Variants in SLIT2 observed in about 807,000 individuals in gnomAD.
SLIT2 encodes the protein slit homolog 2 protein.
SLIT2 carries 41 observed loss-of-function variants against 185.7 expected under a neutral mutation model. The ratio of observed to expected loss-of-function variants is 0.22; its 90% confidence interval spans 0.17 to 0.29. The LOEUF (loss-of-function observed/expected upper bound fraction) is 0.29. Ranked by LOEUF, SLIT2 falls within the 10% of genes least tolerant of loss-of-function variation. SLIT2 has a pLI of 1.00. For missense variants in SLIT2, 1,571 were observed against 1,909.0 expected (o/e 0.82, Z 3.30); for synonymous variants, 693 against 680.2 (o/e 1.02, Z -0.29).
chr4:20,415,603 T>C (rs1246983553), intron 4 of SLIT2, among the ~76,000 whole-genome samples: 3 of 152,126 alleles, frequency 2.0e-5, no homozygotes, highest in Non-Finnish European at 2.9e-5. Flanking sequence ...AGAAGCTTTA[T>C]TAATGGGTTA....
chr4:20,472,248 A>ATATAGATCTATATATAGATATATATATC (rs1560452390), intron 5 of SLIT2, among the ~76,000 whole-genome samples: 1 of 38,704 alleles, frequency 2.6e-5, no homozygotes, highest in Non-Finnish European at 4.6e-5. Context: ...CTATATATCT[A>ATATAGATCTATATATAGATATATATATC]TATATAGATC....
chr4:20,424,770 A>G (rs1210141183), intron 4 of SLIT2, among the ~76,000 whole-genome samples: 1 of 152,034 alleles, frequency 6.6e-6, no homozygotes, highest in Non-Finnish European at 1.5e-5. Flanking sequence ...GCTTTCAGAG[A>G]TTTACCAGGT....
intron 18 of SLIT2, among the ~76,000 whole-genome samples, chr4:20,534,034 C>T (rs538506700): frequency 8.5e-5 from 13 of 152,268 alleles, no homozygotes; most frequent in Admixed American, 3.3e-4. Flanking sequence ...AGGAGCGTCC[C>T]CCATGGCTTC....
Position 20,511,594 on chromosome 4 carries a change from T to A in SLIT2, c.1058+457T>A, listed in dbSNP as rs555765870. Among the ~76,000 whole-genome samples, 5 of 115,550 alleles carry A rather than the reference T, an allele frequency of 4.3e-5. No homozygotes were observed. In the South Asian group the frequency reaches 1.5e-3, roughly 35 times the overall value. The allele number at this position is 115,550 out of a possible 152,430, so 75.8% of individuals were successfully genotyped here. ...TGCCACCACATCCAGCTAATTTTTT[T>A]TTTTTTTTTATTTTTGGTAGAGATG... On this transcript the variant is annotated intron_variant, in intron 11 of 36. Coordinates refer to ENST00000504154, the MANE Select transcript of SLIT2 (RefSeq NM_004787.4).
rs199789536 is a variant in SLIT2, at chr4:20,533,800, T to TA, written c.1832+86dup. ...TATAATCCTGGGAGAGAGAAACACC[T>TA]ACTTTTACCCACCCCACTCCCTCTA... is the stretch of plus-strand genomic sequence containing the variant. On this transcript the variant is annotated intron_variant, in intron 18 of 36. Coordinates refer to ENST00000504154, the MANE Select transcript of SLIT2 (RefSeq NM_004787.4). The TA allele has an allele frequency of 1.0e-3, 1,233 of 1,204,954 alleles. 15 individuals carry two copies. In the East Asian group the frequency reaches 0.025, roughly 24 times the overall value. The allele number at this position is 1,204,954 out of a possible 1,614,324, so 74.6% of individuals were successfully genotyped here.
intron 18 of SLIT2, among the ~76,000 whole-genome samples, chr4:20,539,207 T>C (rs577092244): frequency 2.0e-5 from 3 of 152,344 alleles, no homozygotes; most frequent in Non-Finnish European, 4.4e-5. Context: ...TATAAATCCA[T>C]GCCTAGACTC....
At chr4:20,504,533 AT>A (rs1719022679) in intron 9 of SLIT2, among the ~76,000 whole-genome samples, 1 of 152,136 alleles carries the variant, frequency 6.6e-6, no homozygotes, top group Non-Finnish European at 1.5e-5. Context: ...GATCACAGAG[AT>A]TGCAGCCAGT....
At chr4:20,551,559 G>A (rs1723758834) in intron 25 of SLIT2, among the ~76,000 whole-genome samples, 1 of 152,176 alleles carries the variant, frequency 6.6e-6, no homozygotes, top group Non-Finnish European at 1.5e-5. Flanking sequence ...ATTACTAGGT[G>A]TAATGTTAAG....
At chr4:20,301,795 A>C (rs764777068) in intron 4 of SLIT2, among the ~76,000 whole-genome samples, 1 of 152,242 alleles carries the variant, frequency 6.6e-6, no homozygotes, top group African/African-American at 2.4e-5. Context: ...TCTTGACAAC[A>C]GTACCATTTA....
Position 20,472,570 on chromosome 4 carries a change from A to C in SLIT2, c.467+4747A>C, listed in dbSNP as rs1433150246. On this transcript the variant is annotated intron_variant, in intron 5 of 36. Transcript: ENST00000504154. ...TCTATATATAGATATATATCTATAT[A>C]TAGATATATCTATATATAGATATAT... Among the ~76,000 whole-genome samples, 15 of 22,926 alleles carry C rather than the reference A, an allele frequency of 6.5e-4. 4 individuals are homozygous for C. The highest frequency in any genetic ancestry group is 1.6e-3 in the Admixed American group (2 of 1,228). The allele number at this position is 22,926 out of a possible 152,430, so 15.0% of individuals were successfully genotyped here.
chr4:20,472,255 G>GATATATAGATATAT (rs1191025385), intron 5 of SLIT2, among the ~76,000 whole-genome samples: 1 of 21,898 alleles, frequency 4.6e-5, no homozygotes, highest in African/African-American at 1.5e-4. Context: ...TCTATATATA[G>GATATATAGATATAT]ATCTATATAT....
chr4:20,490,107 AAAAT>A (rs527842931), intron 8 of SLIT2, among the ~76,000 whole-genome samples: 32 of 151,626 alleles, frequency 2.1e-4, no homozygotes, highest in East Asian at 1.2e-3. Context: ...ATAAATCAAT[AAAAT>A]AAATAAATAA....
At chr4:20,375,040 A>C (rs908767665) in intron 4 of SLIT2, among the ~76,000 whole-genome samples, 3 of 152,086 alleles carry the variant, frequency 2.0e-5, no homozygotes, top group African/African-American at 7.2e-5. Context: ...GCAGTGAACT[A>C]TGAAGAAACA....
At chr4:20,402,500 A>G (rs796398236) in intron 4 of SLIT2, among the ~76,000 whole-genome samples, 33 of 152,038 alleles carry the variant, frequency 2.2e-4, no homozygotes, top group African/African-American at 7.7e-4. Flanking sequence ...TAAGTTGTCT[A>G]TATTCAGTTA....
At position 20,472,320 on chromosome 4, in the gene SLIT2, A is replaced by ATAGATG. The variant is rs1715261377; in HGVS notation, c.467+4499_467+4500insGATGTA. Among the ~76,000 whole-genome samples the ATAGATG allele has an allele frequency of 5.6e-5, 3 of 53,946 alleles. 1 individual carries two copies. The highest frequency in any genetic ancestry group is 1.0e-4 in the Non-Finnish European group (3 of 28,866). The allele number at this position is 53,946 out of a possible 152,430, so 35.4% of individuals were successfully genotyped here. A position where few individuals can be genotyped will look rare whatever the true frequency, so the allele number is the denominator to read the frequency against. On this transcript the variant is annotated intron_variant, in intron 5 of 36. Transcript: ENST00000504154. ...GATATATAGATCTATATATAGATAT[A>ATAGATG]TATATCTATATATAGATCTATATAT...
At chr4:20,554,088 C>T in intron 26 of SLIT2, 120 bp downstream of exon 26, 2 of 837,234 alleles carry the variant, frequency 2.4e-6, no homozygotes, top group Non-Finnish European at 3.7e-6. Context: ...ATTATTTTTT[C>T]AGCCCATGCT....
intron 31 of SLIT2, 142 bp downstream of exon 31, chr4:20,595,976 T>A: frequency 1.4e-6 from 1 of 701,420 alleles, no homozygotes; most frequent in Non-Finnish European, 2.3e-6. Flanking sequence ...GATAAATACT[T>A]GAGGGGATGG....
chr4:20,455,282 A>G (rs1272689570), intron 4 of SLIT2, among the ~76,000 whole-genome samples: 1 of 152,178 alleles, frequency 6.6e-6, no homozygotes, highest in Non-Finnish European at 1.5e-5. Flanking sequence ...AATTAAGGGA[A>G]GAACAATATA....
At chr4:20,521,499 A>T (rs1388991877) in intron 12 of SLIT2, among the ~76,000 whole-genome samples, 1 of 152,208 alleles carries the variant, frequency 6.6e-6, no homozygotes, top group African/African-American at 2.4e-5. Context: ...ATGATGCAAA[A>T]CAACATCTTT....
Sources: gnomAD v4.1 joint callset for allele counts (sites outside exome capture counted in the v4.1 genomes callset) on GRCh38, gnomAD v4.1.1 for gene constraint, MANE v1.5 for transcripts, NCBI Gene and HGNC (gene_info 2026-07-23, HGNC 2026-07-21) for gene names.